The following GALC variants were observed in gnomAD, a reference collection of about 807,000 sequenced individuals.
The protein encoded by GALC is galactocerebrosidase.
Under a neutral mutation model 91.8 loss-of-function variants are expected in GALC, and 77 were observed. The observed-to-expected ratio is 0.84, with a 90% CI of 0.70 to 1.01. The LOEUF (loss-of-function observed/expected upper bound fraction) is 1.01, where lower values mean the gene tolerates loss of function less well. Among genes scored for constraint, GALC ranks in the 50% least tolerant of loss-of-function variants. The pLI, the probability that GALC is intolerant of heterozygous loss-of-function variation, is 0.00. For synonymous variants in GALC, 357 were observed against 306.7 expected, an observed-to-expected ratio of 1.16 and a Z score of -1.71; for missense variants, 882 against 855.9, an observed-to-expected ratio of 1.03 and a Z score of -0.38.
chr14:87,953,897 G>T, intron 10 of GALC: 1 of 1,610,264 alleles, frequency 6.2e-7, no homozygotes, highest in Non-Finnish European at 8.5e-7. Flanking sequence ...GCTCTAAAGT[G>T]CCTTTAGCAA....
intron 1 of GALC, among the ~76,000 whole-genome samples, chr14:87,990,246 TA>T (rs1204247335): frequency 7.2e-5 from 11 of 152,344 alleles, no homozygotes; most frequent in Non-Finnish European, 1.3e-4. Flanking sequence ...AAACACTTAT[TA>T]AATATTTTAT....
intron 1 of GALC, among the ~76,000 whole-genome samples, chr14:87,990,212 T>C (rs1461326399): frequency 6.6e-6 from 1 of 152,242 alleles, no homozygotes; most frequent in Non-Finnish European, 1.5e-5. Context: ...TTCAAGTTTG[T>C]ATCCTCATTC....
chr14:87,951,020 GATTA>G (rs1885285965), intron 10 of GALC, among the ~76,000 whole-genome samples: 1 of 151,842 alleles, frequency 6.6e-6, no homozygotes, highest in Non-Finnish European at 1.5e-5. Flanking sequence ...ATGGCATACA[GATTA>G]ATTTTTTGTT....
At position 87,945,437 on chromosome 14, in the gene GALC, C is replaced by T. The variant is rs1321432505; in HGVS notation, c.1670+116G>A. The T allele has an allele frequency of 3.7e-6, 3 of 812,118 alleles. No homozygotes were observed. The East Asian group carries it at 7.3e-5, about 20-fold the overall frequency. 50.3% of individuals were successfully genotyped at this position (812,118 alleles called of 1,614,324 possible). A position where few individuals can be genotyped will look rare whatever the true frequency, so the allele number is the denominator to read the frequency against. On this transcript the variant is annotated intron_variant, in intron 14 of 16. Transcript: ENST00000261304. ...CAACAACCCTTAATATTACATATTA[C>T]ACATCTATTAGGTTCTTGAAATAGG...
In GALC at chr14:87,965,565, T is replaced by G. The variant is rs772190761; in HGVS notation, c.973A>C (p.Met325Leu). ...EQLPYGRCGL[M>L]TAQEPWSGHY... ...CCACTCCATGGCTCCTGGGCCGTCA[T>G]CAACCCGCATCTCCCATAAGGCAAC... is the stretch of plus-strand genomic sequence containing the variant. Residue 325 changes from methionine to leucine, a missense_variant, in exon 9 of 17, where the codon ATG (methionine) becomes CTG (leucine). Transcript: ENST00000261304. 40 of 1,613,402 alleles carry G rather than the reference T, an allele frequency of 2.5e-5. No individual in the cohort carries two copies.
At position 87,976,487 on chromosome 14, in the gene GALC, A is replaced by G. The variant is rs1020663198; in HGVS notation, c.623T>C (p.Ile208Thr). 9 of 1,610,686 alleles carry G rather than the reference A, an allele frequency of 5.6e-6. No homozygotes were observed. Among genetic ancestry groups the G allele is most frequent in the Non-Finnish European group, 7.6e-6 (9 of 1,176,954 alleles). The change falls in exon 7 of 17, where the codon ATA (isoleucine) becomes ACA (threonine). Residue 208 changes from isoleucine to threonine, a missense_variant and splice_region_variant. By Grantham distance (89) the Ile-to-Thr change is moderately conservative. Coordinates refer to ENST00000261304, the MANE Select transcript of GALC (RefSeq NM_000153.4). The part of the protein sequence containing the change: ...ERSYNANYIK[I>T]LRKMLNYQGL... The stretch of plus-strand genomic sequence containing the variant: ...TTGATAATTCAGCATTTTTCTTAAT[A>G]TCTTTTGGAGTAAGAAACAGAACAT...
At chr14:87,948,388 G>A (rs377285298) in intron 12 of GALC, among the ~76,000 whole-genome samples, 2 of 151,928 alleles carry the variant, frequency 1.3e-5, no homozygotes, top group Admixed American at 6.6e-5. Context: ...TCACACTTAC[G>A]ATCTTGGCAA....
At chr14:87,937,191 C>T (rs187690285) in intron 16 of GALC, among the ~76,000 whole-genome samples, 7 of 151,456 alleles carry the variant, frequency 4.6e-5, no homozygotes, top group African/African-American at 9.7e-5. Flanking sequence ...TTTTTATTTA[C>T]GCAAAGAAGA....
intron 16 of GALC, among the ~76,000 whole-genome samples, chr14:87,936,914 T>TATATATATATATATA (rs60680373): frequency 0.12 from 12,217 of 105,164 alleles, 1,558 homozygotes; most frequent in East Asian, 0.2. Context: ...ATATATATAT[T>TATATATATATATATA]TATTTATTTT....
upstream of GALC, chr14:87,993,370 C>T (rs1216583090): frequency 5.9e-6 from 9 of 1,535,612 alleles, no homozygotes; most frequent in South Asian, 9.5e-5. Context: ...TACTGGATTT[C>T]ACATGTACTT....
intron 13 of GALC, among the ~76,000 whole-genome samples, chr14:87,946,630 A>T (rs1026069318): frequency 5.3e-5 from 8 of 151,582 alleles, no homozygotes; most frequent in Non-Finnish European, 1.2e-4. Context: ...CAGTTCTTCA[A>T]TCTCATTATC....
At chr14:87,936,659 G>A (rs1275895431) in intron 16 of GALC, among the ~76,000 whole-genome samples, 2 of 151,666 alleles carry the variant, frequency 1.3e-5, no homozygotes, top group Admixed American at 6.6e-5. Flanking sequence ...TACAGTAGGG[G>A]CTTAATAAAA....
chr14:87,953,127 T>C, intron 10 of GALC: 1 of 1,500,870 alleles, frequency 6.7e-7, no homozygotes, highest in South Asian at 1.1e-5. Flanking sequence ...GGGATTATTT[T>C]CCTTGAACAC....
At chr14:87,993,344 C>T (rs778333778), upstream of GALC, 189 of 1,535,606 alleles carry the variant, frequency 1.2e-4, 1 homozygote, top group Non-Finnish European at 1.5e-4. Flanking sequence ...TTATCGCTCG[C>T]GTGTCTGTGG....
chr14:87,952,311 T>C (rs1002573363), intron 10 of GALC, among the ~76,000 whole-genome samples: 1 of 151,936 alleles, frequency 6.6e-6, no homozygotes, highest in African/African-American at 2.4e-5. Context: ...ATTAGAGATT[T>C]ACCTAGGGGG....
intron 6 of GALC, 68 bp downstream of exon 6, chr14:87,982,137 G>A: frequency 1.2e-6 from 1 of 821,266 alleles, no homozygotes; most frequent in South Asian, 1.7e-5. Flanking sequence ...ACTATTTTCT[G>A]TGTTAGGAAC....
intron 7 of GALC, 95 bp downstream of exon 7, chr14:87,976,263 A>C: frequency 1.5e-6 from 2 of 1,325,134 alleles, no homozygotes; most frequent in Admixed American, 3.4e-5. Context: ...ACCTTCTGAG[A>C]ATGTAATCAA....
intron 10 of GALC, among the ~76,000 whole-genome samples, chr14:87,960,894 C>T (rs1427765487): frequency 1.3e-5 from 2 of 152,096 alleles, no homozygotes; most frequent in Non-Finnish European, 2.9e-5. Flanking sequence ...TATAAATCTT[C>T]AGAACCTTGA....
Position 87,963,439 on chromosome 14 carries a change from C to A in GALC, c.1106G>T (p.Ser369Ile). 6.2e-7 allele frequency: 1 copy of A among 1,613,346 alleles called. No homozygotes were observed. Among genetic ancestry groups the A allele is most frequent in the East Asian group, 2.2e-5 (1 of 44,850 alleles). ...KTVGHLEKGG[S>I]YVALTDGLGN... ...TAAGCCATCAGTCAGAGCTACGTAG[C>A]TTCCTCCTTTCTCTAAATGGCCAAC... Residue 369 changes from serine to isoleucine, a missense_variant, in exon 10 of 17, where the codon AGC becomes ATC. By Grantham distance (142) the Ser-to-Ile change is moderately radical. Coordinates refer to ENST00000261304, the MANE Select transcript of GALC (RefSeq NM_000153.4).
Sources: gnomAD v4.1 joint callset for allele counts (sites outside exome capture counted in the v4.1 genomes callset) on GRCh38, gnomAD v4.1.1 for gene constraint, MANE v1.5 for transcripts, NCBI Gene and HGNC (gene_info 2026-07-23, HGNC 2026-07-21) for gene names.